Variants in SNTG1 observed in about 807,000 individuals in gnomAD.
SNTG1 encodes the protein gamma-1-syntrophin.
Under a neutral mutation model 74.7 loss-of-function variants are expected in SNTG1, and 39 were observed. The observed-to-expected ratio is 0.52, with a 90% CI of 0.40 to 0.68. SNTG1 has a LOEUF of 0.68. SNTG1 is among the 30% of genes least tolerant of loss of function. The probability of loss-of-function intolerance (pLI) is 0.00; values close to 1 mark genes in which losing one functional copy is unlikely to be tolerated. For missense variants in SNTG1, 685 were observed against 609.5 expected (o/e 1.12, Z -1.30); for synonymous variants, 254 against 217.1 (o/e 1.17, Z -1.49).
intron 17 of SNTG1, among the ~76,000 whole-genome samples, chr8:50,716,803 G>C (rs1424209044): frequency 6.6e-6 from 1 of 151,178 alleles, no homozygotes; most frequent in Admixed American, 6.6e-5. Flanking sequence ...CGCGATCTCA[G>C]CTCACTGCAA....
chr8:50,525,986 A>G (rs1441873236), intron 9 of SNTG1, among the ~76,000 whole-genome samples: 1 of 152,120 alleles, frequency 6.6e-6, no homozygotes, highest in Non-Finnish European at 1.5e-5. Context: ...ACACCGGAAA[A>G]GAACTTCACC....
At chr8:50,775,832 C>A (rs1314477236) in intron 18 of SNTG1, among the ~76,000 whole-genome samples, 2 of 151,454 alleles carry the variant, frequency 1.3e-5, no homozygotes, top group African/African-American at 4.8e-5. Flanking sequence ...ATATGTTTTT[C>A]TTGTAGATTT....
At chr8:50,012,275 G>C (rs1046606662) in intron 1 of SNTG1, among the ~76,000 whole-genome samples, 1 of 152,036 alleles carries the variant, frequency 6.6e-6, no homozygotes, top group African/African-American at 2.4e-5. Context: ...AACTGAGGTG[G>C]TTTATTTTAC....
chr8:50,711,242 A>G (rs1271299663), intron 17 of SNTG1, among the ~76,000 whole-genome samples: 1 of 152,194 alleles, frequency 6.6e-6, no homozygotes, highest in African/African-American at 2.4e-5. Flanking sequence ...AATAATATCT[A>G]GTTATTTTCT....
chr8:50,248,427 G>A (rs191790590), intron 2 of SNTG1, among the ~76,000 whole-genome samples: 22 of 152,178 alleles, frequency 1.4e-4, no homozygotes, highest in African/African-American at 5.3e-4. Flanking sequence ...ATACATCTTT[G>A]CATTTCCAAA....
chr8:49,979,900 G>GAA (rs545414230), intron 1 of SNTG1, among the ~76,000 whole-genome samples: 115 of 152,332 alleles, frequency 7.5e-4, no homozygotes, highest in African/African-American at 2.5e-3. Flanking sequence ...TTTCTGTGAG[G>GAA]AAAATTCTAT....
At chr8:50,416,914 A>T (rs1213336352) in intron 4 of SNTG1, among the ~76,000 whole-genome samples, 1 of 152,120 alleles carries the variant, frequency 6.6e-6, no homozygotes, top group Non-Finnish European at 1.5e-5. Flanking sequence ...CACCTGAGTG[A>T]CTGTGACGAT....
chr8:50,365,504 A>T (rs1236730410), intron 2 of SNTG1, among the ~76,000 whole-genome samples: 2 of 152,252 alleles, frequency 1.3e-5, no homozygotes, highest in East Asian at 3.9e-4. Context: ...TAGTCAAATA[A>T]TAAGAAAATT....
At chr8:50,623,593 T>G (rs1034302637) in intron 13 of SNTG1, among the ~76,000 whole-genome samples, 2 of 152,112 alleles carry the variant, frequency 1.3e-5, no homozygotes, top group African/African-American at 4.8e-5. Context: ...ATTTTCAGAA[T>G]GTTCACAAAC....
At chr8:50,347,384 T>TAAAAC (rs753498424) in intron 2 of SNTG1, among the ~76,000 whole-genome samples, 4 of 152,166 alleles carry the variant, frequency 2.6e-5, no homozygotes, top group African/African-American at 7.2e-5. Flanking sequence ...TGCTCAAAAA[T>TAAAAC]AAAACAAAAC....
intron 1 of SNTG1, among the ~76,000 whole-genome samples, chr8:50,075,214 C>T (rs993173690): frequency 6.6e-6 from 1 of 152,204 alleles, no homozygotes; most frequent in Non-Finnish European, 1.5e-5. Context: ...CTGTGGTGCC[C>T]AGTCCCATCG....
intron 2 of SNTG1, among the ~76,000 whole-genome samples, chr8:50,280,633 A>C (rs77136667): frequency 0.052 from 7,968 of 152,236 alleles, 232 homozygotes; most frequent in Middle Eastern, 0.12. Flanking sequence ...CTTATAAGTC[A>C]TAGGTGGATA....
intron 15 of SNTG1, among the ~76,000 whole-genome samples, chr8:50,681,536 TACTATTTA>T (rs1310549639): frequency 1.3e-5 from 2 of 152,218 alleles, no homozygotes; most frequent in African/African-American, 2.4e-5. Flanking sequence ...ATAACCTGTT[TACTATTTA>T]ACTGAAATGT....
intron 2 of SNTG1, among the ~76,000 whole-genome samples, chr8:50,287,195 T>C (rs1210975002): frequency 6.6e-6 from 1 of 152,140 alleles, no homozygotes; most frequent in African/African-American, 2.4e-5. Flanking sequence ...GTTTTCAACA[T>C]CTAACTTTTT....
intron 2 of SNTG1, among the ~76,000 whole-genome samples, chr8:50,202,747 T>C (rs1365122306): frequency 6.6e-6 from 1 of 151,860 alleles, no homozygotes; most frequent in East Asian, 1.9e-4. Context: ...AGGTAAGCAT[T>C]CCCTCACCTC....
chr8:50,197,414 A>AT (rs950424946), intron 2 of SNTG1, among the ~76,000 whole-genome samples: 1 of 152,144 alleles, frequency 6.6e-6, no homozygotes, highest in African/African-American at 2.4e-5. Flanking sequence ...TTTGCTCAGC[A>AT]TTTTTTTAAA....
intron 8 of SNTG1, among the ~76,000 whole-genome samples, chr8:50,498,081 A>C (rs2093919603): frequency 6.6e-6 from 1 of 151,958 alleles, no homozygotes; most frequent in South Asian, 2.1e-4. Context: ...ATTCATGAAA[A>C]GTATTTGTAA....
intron 2 of SNTG1, among the ~76,000 whole-genome samples, chr8:50,192,762 C>A (rs2083622448): frequency 6.6e-6 from 1 of 151,614 alleles, no homozygotes; most frequent in African/African-American, 2.4e-5. Flanking sequence ...ATGTTAATTT[C>A]TACAATTTTT....
chr8:50,166,849 A>G (rs1276507699), intron 1 of SNTG1, among the ~76,000 whole-genome samples: 2 of 151,390 alleles, frequency 1.3e-5, no homozygotes, highest in Non-Finnish European at 2.9e-5. Context: ...ATTATTCACA[A>G]TAGCAGCGAC....
Sources: gnomAD v4.1 joint callset for allele counts (sites outside exome capture counted in the v4.1 genomes callset) on GRCh38, gnomAD v4.1.1 for gene constraint, MANE v1.5 for transcripts, NCBI Gene and HGNC (gene_info 2026-07-23, HGNC 2026-07-21) for gene names.